The following GRIK4 variants were observed in gnomAD, a reference collection of about 807,000 sequenced individuals.
The protein encoded by GRIK4 is glutamate receptor ionotropic, kainate 4.
A neutral mutation model predicts 104.9 loss-of-function variants in GRIK4; 40 were observed. That is an observed-to-expected ratio of 0.38 (90% confidence interval 0.30 to 0.50). The LOEUF (loss-of-function observed/expected upper bound fraction) is 0.50, where lower values mean the gene tolerates loss of function less well. GRIK4 is among the 20% of genes least tolerant of loss of function. The probability of loss-of-function intolerance (pLI) is 0.93; values close to 1 mark genes in which losing one functional copy is unlikely to be tolerated. For synonymous variants in GRIK4, 485 were observed against 524.9 expected (o/e 0.92, Z 1.04); for missense variants, 1,047 against 1,308.1 (o/e 0.80, Z 3.08).
chr11:120,831,730 A>T, intron 6 of GRIK4, 122 bp from the exon 7 acceptor site: 1 of 667,958 alleles, frequency 1.5e-6, no homozygotes, highest in Non-Finnish European at 2.6e-6. Context: ...TAATGCTGTC[A>T]GTGGGGCCAG....
At chr11:120,603,168 C>T (rs1032013935) in intron 1 of GRIK4, among the ~76,000 whole-genome samples, 2 of 152,212 alleles carry the variant, frequency 1.3e-5, no homozygotes, top group Non-Finnish European at 2.9e-5. Context: ...TGCAGACATG[C>T]TGCTGTTTTG....
intron 4 of GRIK4, among the ~76,000 whole-genome samples, chr11:120,806,435 C>G (rs1205735981): frequency 6.6e-6 from 1 of 152,204 alleles, no homozygotes; most frequent in African/African-American, 2.4e-5. Context: ...GTGGTTTGCC[C>G]TGGGCTAGTG....
chr11:120,815,729 C>A (rs1057050121), intron 5 of GRIK4, among the ~76,000 whole-genome samples: 1 of 152,032 alleles, frequency 6.6e-6, no homozygotes, highest in Non-Finnish European at 1.5e-5. Context: ...GGTCCCATGG[C>A]GGTGCCCCCA....
At chr11:120,747,002 T>C (rs77363168) in intron 3 of GRIK4, among the ~76,000 whole-genome samples, 1,807 of 152,272 alleles carry the variant, frequency 0.012, 42 homozygotes, top group African/African-American at 0.041. Context: ...GGGCTTGCTC[T>C]AAGAATGAAA....
intron 19 of GRIK4, 76 bp from the exon 20 acceptor site, chr11:120,982,030 T>G: frequency 1.0e-6 from 1 of 999,092 alleles, no homozygotes; most frequent in Non-Finnish European, 1.6e-6. Context: ...TTTGAATGAT[T>G]TTAGTATTTT....
chr11:120,515,023 C>CGTCAGT, intron 1 of GRIK4: 1 of 456,712 alleles, frequency 2.2e-6, no homozygotes, highest in Non-Finnish European at 4.4e-6. Context: ...TCTCAGCAGC[C>CGTCAGT]GTCAGTGGCA....
At chr11:120,546,309 T>C (rs1461372771) in intron 1 of GRIK4, among the ~76,000 whole-genome samples, 1 of 152,208 alleles carries the variant, frequency 6.6e-6, no homozygotes, top group Non-Finnish European at 1.5e-5. Context: ...TTCTCAGGAC[T>C]GCACCTTGAG....
In GRIK4 at chr11:120,513,748, A is replaced by C. The variant is rs1947688785; in HGVS notation, c.-159+1861A>C. Among the ~76,000 whole-genome samples the C allele has an allele frequency of 6.6e-6, 1 of 152,152 alleles. No individual in the cohort carries two copies. The highest frequency in any genetic ancestry group is 1.5e-5 in the Non-Finnish European group (1 of 68,040). The stretch of plus-strand genomic sequence containing the variant: ...TCTGGACCTGCCACCTGAAACCCAG[A>C]GGCAGCACTGGTCCCTCCGGGTGGG... On this transcript the variant is annotated intron_variant, in intron 1 of 20. Transcript: ENST00000527524. This position sits in a 1 kb window ranked among gnomAD's most constrained non-coding sequence, Gnocchi z 4.5.
intron 1 of GRIK4, among the ~76,000 whole-genome samples, chr11:120,613,336 T>C (rs547180204): frequency 3.9e-5 from 6 of 152,352 alleles, no homozygotes; most frequent in African/African-American, 1.2e-4. Flanking sequence ...TCAGGTCTTG[T>C]CAATTCTTGT....
chr11:120,948,549 C>T (rs970701932), intron 14 of GRIK4, among the ~76,000 whole-genome samples: 13 of 152,156 alleles, frequency 8.5e-5, no homozygotes, highest in African/African-American at 2.9e-4. Context: ...CCTGGTATTG[C>T]CCTAAGTGCT....
At chr11:120,714,243 T>C (rs956489559) in intron 3 of GRIK4, among the ~76,000 whole-genome samples, 8 of 152,252 alleles carry the variant, frequency 5.3e-5, no homozygotes, top group African/African-American at 1.9e-4. Flanking sequence ...GGAGGCTCAT[T>C]GTGACTTACA....
chr11:120,689,214 G>T (rs1027198937), intron 3 of GRIK4, among the ~76,000 whole-genome samples: 4 of 152,038 alleles, frequency 2.6e-5, no homozygotes, highest in Admixed American at 2.6e-4. Flanking sequence ...ATGGAAACCG[G>T]AAGTTTCCAT....
chr11:120,963,580 C>A (rs1483109499), intron 18 of GRIK4, among the ~76,000 whole-genome samples: 1 of 152,196 alleles, frequency 6.6e-6, no homozygotes. Context: ...GGGGAAGAAG[C>A]AGGAATCGAG....
chr11:120,871,843 G>T (rs1954619071), intron 9 of GRIK4: 1 of 456,258 alleles, frequency 2.2e-6, no homozygotes, highest in Non-Finnish European at 4.4e-6. Context: ...CACCAGCCAG[G>T]TAGTTTTGTG....
At chr11:120,963,533 T>C (rs1944329067) in intron 18 of GRIK4, among the ~76,000 whole-genome samples, 1 of 152,058 alleles carries the variant, frequency 6.6e-6, no homozygotes, top group African/African-American at 2.4e-5. Context: ...CTGTAGAGGG[T>C]TGTGCTGGTA....
intron 3 of GRIK4, among the ~76,000 whole-genome samples, chr11:120,684,194 A>T (rs552758920): frequency 3.3e-5 from 5 of 152,156 alleles, no homozygotes; most frequent in African/African-American, 1.2e-4. Context: ...GTAATGGTGC[A>T]TGCTTGTAGT....
chr11:120,799,478 C>T (rs1322968714), intron 3 of GRIK4, among the ~76,000 whole-genome samples: 3 of 152,214 alleles, frequency 2.0e-5, no homozygotes, highest in East Asian at 1.9e-4. Flanking sequence ...CCCCCTGCTT[C>T]GCAGCAAATC....
chr11:120,882,556 A>G (rs1592033151), intron 11 of GRIK4, among the ~76,000 whole-genome samples: 1 of 152,198 alleles, frequency 6.6e-6, no homozygotes, highest in South Asian at 2.1e-4. Flanking sequence ...GGGAGCAGAA[A>G]AAGAGATGGG....
chr11:120,784,252 C>G (rs1952218839), intron 3 of GRIK4, among the ~76,000 whole-genome samples: 2 of 152,154 alleles, frequency 1.3e-5, no homozygotes, highest in Admixed American at 1.3e-4. Context: ...ATAAATACTC[C>G]CTTCCCTGTA....
Sources: allele counts gnomAD v4.1 joint callset (sites outside exome capture counted in the v4.1 genomes callset), GRCh38; gene constraint gnomAD v4.1.1; non-coding constraint Gnocchi (gnomAD v3.1); transcripts MANE v1.5; gene names NCBI Gene and HGNC (gene_info 2026-07-23, HGNC 2026-07-21).